Variants in ARID2 observed in about 807,000 individuals in gnomAD.
ARID2 encodes AT-rich interaction domain 2.
In ARID2, 32 loss-of-function variants were observed where a neutral mutation model predicts 184.6. The ratio of observed to expected loss-of-function variants is 0.17; its 90% CI spans 0.13 to 0.23. ARID2 has a LOEUF of 0.23. ARID2 is among the 10% of genes least tolerant of loss of function. ARID2 has a pLI of 1.00. For missense variants in ARID2, 1,696 were observed against 2,197.6 expected (o/e 0.77, Z 4.56); for synonymous variants, 836 against 772.6 (o/e 1.08, Z -1.36).
At chr12:45,867,518 T>A (rs10880864) in intron 16 of ARID2, among the ~76,000 whole-genome samples, 1 of 150,480 alleles carries the variant, frequency 6.6e-6, no homozygotes, top group African/African-American at 2.4e-5. Context: ...CGAGGCGGGC[T>A]GATCGTGAGG....
intron 4 of ARID2, among the ~76,000 whole-genome samples, chr12:45,812,288 A>T (rs1942724035): frequency 6.6e-6 from 1 of 151,276 alleles, no homozygotes; most frequent in Admixed American, 6.6e-5. Context: ...TATCATTATT[A>T]TTATTTACTG....
chr12:45,843,617 G>A (rs1282537986), intron 11 of ARID2, among the ~76,000 whole-genome samples: 1 of 152,060 alleles, frequency 6.6e-6, no homozygotes, highest in Non-Finnish European at 1.5e-5. Context: ...AAGTTCTCAT[G>A]AGATGCAGAT....
intron 6 of ARID2, among the ~76,000 whole-genome samples, chr12:45,822,625 A>G (rs541428859): frequency 3.3e-5 from 5 of 152,274 alleles, no homozygotes; most frequent in South Asian, 2.1e-4. Flanking sequence ...TTTTATTTTC[A>G]TTTATTTAAT....
chr12:45,772,971 T>C (rs1387066637), intron 3 of ARID2, among the ~76,000 whole-genome samples: 1 of 152,176 alleles, frequency 6.6e-6, no homozygotes, highest in Non-Finnish European at 1.5e-5. Flanking sequence ...TTTTCTGTAG[T>C]GCAAACGGAA....
chr12:45,883,306 ATTAC>A (rs1565637524), intron 16 of ARID2, among the ~76,000 whole-genome samples: 1 of 151,958 alleles, frequency 6.6e-6, no homozygotes, highest in Non-Finnish European at 1.5e-5. Flanking sequence ...AAAGAATTTG[ATTAC>A]TTAAAGATGT....
rs772529253 is a variant in ARID2 at position 45,851,351 on chromosome 12, G to A, written c.3228G>A (p.Lys1076=). 1 of 1,614,136 alleles carries A rather than the reference G, an allele frequency of 6.2e-7. No individual in the cohort carries two copies. Among genetic ancestry groups the A allele is most frequent in the South Asian group, 1.1e-5 (1 of 91,078 alleles). The part of the protein sequence containing the change: ...PKRGPSTPGG[K]LILPAPQIPP... Reference sequence around the variant, plus strand: ...GTGGTCCTTCAACACCAGGTGGTAAGCTTATTCTCCCAGCTCCACAGATTC... The same window carrying A: ...GTGGTCCTTCAACACCAGGTGGTAAACTTATTCTCCCAGCTCCACAGATTC... The change falls in exon 15 of 21, where the codon AAG becomes AAA. Residue 1076 remains lysine (K), a synonymous_variant. Transcript: ENST00000334344.
chr12:45,762,036 T>A (rs940480207), intron 3 of ARID2, among the ~76,000 whole-genome samples: 1 of 152,186 alleles, frequency 6.6e-6, no homozygotes, highest in African/African-American at 2.4e-5. Flanking sequence ...ATATTTTCTT[T>A]CTCTTAACTG....
At chr12:45,840,755 C>T (rs1371048457) in intron 11 of ARID2, 1 of 152,156 alleles carries the variant, frequency 6.6e-6, no homozygotes, top group Admixed American at 6.5e-5. Flanking sequence ...AATTTGTCTT[C>T]TACTCCAACT....
rs1944408869 is a variant in ARID2 at position 45,899,086 on chromosome 12, A to T, written c.5363+5365A>T. On this transcript the variant is annotated intron_variant, in intron 20 of 20. Transcript: ENST00000334344. ...CAAGATATTGAGATCATCCTGGCCA[A>T]CATGGTGAAACCCCATCTCTACTAA... Among the ~76,000 whole-genome samples the T allele has an allele frequency of 2.7e-5, 4 of 150,336 alleles. No homozygotes were observed. In the South Asian group the frequency reaches 8.5e-4, roughly 32 times the overall value.
chr12:45,840,982 A>G (rs943301570), intron 11 of ARID2: 3 of 152,224 alleles, frequency 2.0e-5, no homozygotes, highest in African/African-American at 7.2e-5. Flanking sequence ...CAGGTAATAG[A>G]TGTTAAACAG....
chr12:45,847,542 T>A lies in ARID2; in HGVS notation c.1580+605T>A, dbSNP rs183121880. Among the ~76,000 whole-genome samples, 81 of 152,236 alleles carry A rather than the reference T, an allele frequency of 5.3e-4. 1 individual carries two copies. The highest frequency in any genetic ancestry group is 9.1e-4 in the Non-Finnish European group (62 of 67,950). ...AGAGTTTTAAAAATTTCACTTGTTATGGATAGTTGCCTCAACATTAGTATG... is the reference window on the plus strand; with the variant it reads ...AGAGTTTTAAAAATTTCACTTGTTAAGGATAGTTGCCTCAACATTAGTATG... On this transcript the variant is annotated intron_variant, in intron 12 of 20. Coordinates refer to ENST00000334344, the MANE Select transcript of ARID2 (RefSeq NM_152641.4).
intron 5 of ARID2, among the ~76,000 whole-genome samples, chr12:45,819,378 C>T (rs147818232): frequency 1.8e-3 from 275 of 152,258 alleles, no homozygotes; most frequent in African/African-American, 6.4e-3. Flanking sequence ...GGTATAGTTT[C>T]TATCATTTGA....
In ARID2 at chr12:45,852,434, G is replaced by A. The variant is rs138606745; in HGVS notation, c.4311G>A (p.Ala1437=). The A allele has an allele frequency of 1.1e-4, 171 of 1,614,064 alleles. No homozygotes were observed. The highest frequency in any genetic ancestry group is 9.8e-4 in the Admixed American group (59 of 60,020). Reference sequence around the variant, plus strand: ...GCAGTATACAGGAGGCTTCAAATGCGGCAACACAGCAATTTAGTGGTACTG... The same window carrying A: ...GCAGTATACAGGAGGCTTCAAATGCAGCAACACAGCAATTTAGTGGTACTG... ...SVSSIQEASN[A]ATQQFSGTDL... is the part of the protein sequence containing the mutation. Residue 1437 remains alanine (A), a synonymous_variant, in exon 15 of 21, where the codon GCG becomes GCA. Coordinates refer to ENST00000334344, the MANE Select transcript of ARID2 (RefSeq NM_152641.4).
At chr12:45,778,455 G>GT (rs1942029726) in intron 3 of ARID2, among the ~76,000 whole-genome samples, 1 of 152,036 alleles carries the variant, frequency 6.6e-6, no homozygotes, top group South Asian at 2.1e-4. Flanking sequence ...ACTTAGTGCT[G>GT]TTTTTGATAT....
chr12:45,775,844 T>G (rs1941966474), intron 3 of ARID2, among the ~76,000 whole-genome samples: 2 of 152,232 alleles, frequency 1.3e-5, no homozygotes, highest in African/African-American at 4.8e-5. Context: ...CTTTAAGTAC[T>G]TTATTGCTGT....
intron 20 of ARID2, among the ~76,000 whole-genome samples, chr12:45,897,139 C>T (rs1334206124): frequency 1.3e-5 from 2 of 152,098 alleles, no homozygotes; most frequent in Non-Finnish European, 2.9e-5. Context: ...CATATTTGGT[C>T]AAATGATTTT....
chr12:45,850,112 T>C lies in ARID2; in HGVS notation c.1989T>C (p.Thr663=). 6.2e-7 allele frequency: 1 copy of C among 1,614,080 alleles called. No homozygotes were observed. Among genetic ancestry groups the C allele is most frequent in the Non-Finnish European group, 8.5e-7 (1 of 1,179,972 alleles). ...TPVANQSSNL[T]ATQMSFPVQG... is the part of the protein sequence containing the mutation. ...TTGCCAACCAATCTTCAAATCTGAC[T>C]GCAACACAAATGTCTTTTCCTGTAC... The change falls in exon 15 of 21, where the codon ACT becomes ACC. Residue 663 remains threonine (T), a synonymous_variant. Transcript: ENST00000334344.
In ARID2 at chr12:45,839,106, C is replaced by T. The variant is rs537407997; in HGVS notation, c.1331-223C>T. The stretch of plus-strand genomic sequence containing the variant: ...ATCTCAATCTCCTGATCTCATGATC[C>T]GCCCGCCTCCGCCTCCCAAAGTGCT... On this transcript the variant is annotated intron_variant, in intron 10 of 20. Coordinates refer to ENST00000334344, the MANE Select transcript of ARID2 (RefSeq NM_152641.4). Among the ~76,000 whole-genome samples the T allele has an allele frequency of 1.7e-4, 26 of 151,754 alleles. No individual in the cohort carries two copies. The South Asian group carries it at 2.7e-3, about 16-fold the overall frequency.
At chr12:45,884,663 G>T (rs1286489972) in intron 16 of ARID2, among the ~76,000 whole-genome samples, 1 of 152,146 alleles carries the variant, frequency 6.6e-6, no homozygotes, top group East Asian at 1.9e-4. Context: ...ATCTTTTCCT[G>T]TAATAATTAT....
Sources: gnomAD v4.1 joint callset for allele counts (sites outside exome capture counted in the v4.1 genomes callset) on GRCh38, gnomAD v4.1.1 for gene constraint, MANE v1.5 for transcripts, NCBI Gene and HGNC (gene_info 2026-07-23, HGNC 2026-07-21) for gene names.